FHIT: variants seen among roughly 807,000 people sequenced by gnomAD.
FHIT encodes the protein bis(5'-adenosyl)-triphosphatase.
In FHIT, 19 loss-of-function variants were observed where a neutral mutation model predicts 17.9. The observed-to-expected ratio is 1.06, with a 90% CI of 0.74 to 1.56. The LOEUF is 1.56. Ranked by LOEUF, FHIT falls within the 40% of genes most tolerant of loss-of-function variation. The pLI is 0.00. For synonymous variants in FHIT, 81 were observed against 69.7 expected (o/e 1.16, Z -0.81); for missense variants, 248 against 189.2 (o/e 1.31, Z -1.82).
chr3:60,264,535 A>G (rs1706472747), intron 5 of FHIT, among the ~76,000 whole-genome samples: 1 of 151,990 alleles, frequency 6.6e-6, no homozygotes, highest in Admixed American at 6.6e-5. Flanking sequence ...TGGTTCTATT[A>G]TCTTATTTAA....
At chr3:59,983,778 C>T (rs1414048260) in intron 7 of FHIT, among the ~76,000 whole-genome samples, 2 of 152,158 alleles carry the variant, frequency 1.3e-5, no homozygotes, top group Admixed American at 6.6e-5. Context: ...AGGATTGCCC[C>T]ATTAGTACCA....
intron 2 of FHIT, among the ~76,000 whole-genome samples, chr3:61,117,461 T>C (rs1348623828): frequency 6.6e-6 from 1 of 152,172 alleles, no homozygotes; most frequent in African/African-American, 2.4e-5. Flanking sequence ...GTACACAGTC[T>C]GAAAACAGTG....
chr3:60,183,788 C>T (rs1250906966), intron 5 of FHIT, among the ~76,000 whole-genome samples: 1 of 152,076 alleles, frequency 6.6e-6, no homozygotes, highest in African/African-American at 2.4e-5. Context: ...CCTACTGTGG[C>T]CCAGATCCTG....
intron 2 of FHIT, among the ~76,000 whole-genome samples, chr3:61,197,012 T>A (rs1046797428): frequency 1.3e-5 from 2 of 152,118 alleles, no homozygotes; most frequent in Non-Finnish European, 2.9e-5. Flanking sequence ...AGAGAGGAGC[T>A]GGAAGCACAA....
intron 4 of FHIT, among the ~76,000 whole-genome samples, chr3:60,613,685 A>G (rs1467477709): frequency 2.0e-5 from 3 of 151,156 alleles, no homozygotes; most frequent in African/African-American, 7.3e-5. Context: ...AGTCATTCCT[A>G]CATTTCCCTT....
intron 2 of FHIT, among the ~76,000 whole-genome samples, chr3:61,112,425 T>C (rs1385171683): frequency 6.6e-6 from 1 of 152,096 alleles, no homozygotes; most frequent in African/African-American, 2.4e-5. Flanking sequence ...TCATAACCTA[T>C]AGGGAAGTTC....
chr3:61,132,337 C>G (rs952021398), intron 2 of FHIT, among the ~76,000 whole-genome samples: 2 of 152,186 alleles, frequency 1.3e-5, no homozygotes, highest in Non-Finnish European at 2.9e-5. Context: ...TCTTGTCTCC[C>G]TTACCTTATT....
chr3:60,144,867 T>A (rs1271921944), intron 5 of FHIT, among the ~76,000 whole-genome samples: 1 of 152,228 alleles, frequency 6.6e-6, no homozygotes, highest in African/African-American at 2.4e-5. Flanking sequence ...TAGTTTTAAT[T>A]CTTTTCTTAA....
At chr3:61,093,477 C>T (rs2035547194) in intron 2 of FHIT, among the ~76,000 whole-genome samples, 2 of 152,034 alleles carry the variant, frequency 1.3e-5, no homozygotes, top group African/African-American at 4.8e-5. Flanking sequence ...ACAGAATTAT[C>T]CAAGCCAAAA....
chr3:60,141,510 G>T (rs1700038353), intron 5 of FHIT, among the ~76,000 whole-genome samples: 1 of 152,000 alleles, frequency 6.6e-6, no homozygotes. Flanking sequence ...AGTAAAACAG[G>T]AAGTCACTCT....
intron 1 of FHIT, among the ~76,000 whole-genome samples, chr3:61,207,577 ATTC>A (rs201006765): frequency 0.13 from 20,398 of 151,874 alleles, 1,427 homozygotes; most frequent in Non-Finnish European, 0.15. Flanking sequence ...AATTTATCAA[ATTC>A]TTCTAGATTT....
At chr3:61,140,868 C>T (rs760550737) in intron 2 of FHIT, among the ~76,000 whole-genome samples, 15 of 152,154 alleles carry the variant, frequency 9.9e-5, no homozygotes, top group Admixed American at 3.3e-4. Flanking sequence ...TTAGTATGCT[C>T]TAATGATAAG....
intron 5 of FHIT, among the ~76,000 whole-genome samples, chr3:60,318,763 G>A (rs959337068): frequency 2.0e-5 from 3 of 152,124 alleles, no homozygotes; most frequent in African/African-American, 4.8e-5. Flanking sequence ...CAAACTGAGT[G>A]GTTAAAAATA....
At chr3:61,133,092 T>C (rs1213967243) in intron 2 of FHIT, among the ~76,000 whole-genome samples, 1 of 152,154 alleles carries the variant, frequency 6.6e-6, no homozygotes, top group Non-Finnish European at 1.5e-5. Flanking sequence ...ATCCTTTACA[T>C]CTCAGATCAA....
chr3:60,725,744 C>A (rs571404429), intron 4 of FHIT, among the ~76,000 whole-genome samples: 1 of 152,288 alleles, frequency 6.6e-6, no homozygotes, highest in African/African-American at 2.4e-5. Context: ...GGTGCTACTG[C>A]TGCTAATAAT....
At chr3:60,620,785 T>C (rs2107751957) in intron 4 of FHIT, among the ~76,000 whole-genome samples, 1 of 152,164 alleles carries the variant, frequency 6.6e-6, no homozygotes, top group Non-Finnish European at 1.5e-5. Context: ...GACTGAACCA[T>C]AACATAACCT....
At chr3:61,004,509 TCA>T (rs2031311836) in intron 3 of FHIT, among the ~76,000 whole-genome samples, 1 of 152,184 alleles carries the variant, frequency 6.6e-6, no homozygotes, top group East Asian at 1.9e-4. Flanking sequence ...ACTGTTATCA[TCA>T]CACGACATAA....
intron 3 of FHIT, among the ~76,000 whole-genome samples, chr3:60,935,044 CT>C (rs1195191825): frequency 1.3e-5 from 2 of 151,956 alleles, no homozygotes; most frequent in African/African-American, 4.8e-5. Context: ...GAGAGAGGCA[CT>C]TTAAAAAAAT....
At chr3:61,076,816 T>C (rs1409254642) in intron 2 of FHIT, among the ~76,000 whole-genome samples, 2 of 152,148 alleles carry the variant, frequency 1.3e-5, no homozygotes, top group Non-Finnish European at 2.9e-5. Flanking sequence ...AATCAATACA[T>C]TTTCCTTACA....
Sources: gnomAD v4.1 joint callset for allele counts (sites outside exome capture counted in the v4.1 genomes callset) on GRCh38, gnomAD v4.1.1 for gene constraint, MANE v1.5 for transcripts, NCBI Gene and HGNC (gene_info 2026-07-23, HGNC 2026-07-21) for gene names.